SLC5A1: variants seen among roughly 807,000 people sequenced by gnomAD.
The protein encoded by SLC5A1 is solute carrier family 5 member 1.
Under a neutral mutation model 73.5 loss-of-function variants are expected in SLC5A1, and 42 were observed. The ratio of observed to expected loss-of-function variants is 0.57; its 90% CI spans 0.45 to 0.74. SLC5A1 has a LOEUF of 0.74. Ranked by LOEUF, SLC5A1 falls within the 30% of genes least tolerant of loss-of-function variation. SLC5A1 has a pLI of 0.00. For synonymous variants in SLC5A1, 300 were observed against 317.4 expected, an observed-to-expected ratio of 0.95 and a Z score of 0.58; for missense variants, 634 against 855.4, an observed-to-expected ratio of 0.74 and a Z score of 3.23.
chr22:32,080,399 C>A (rs951237121), intron 5 of SLC5A1, among the ~76,000 whole-genome samples: 31 of 152,136 alleles, frequency 2.0e-4, no homozygotes, highest in Admixed American at 5.2e-4. Context: ...TCTTTGCTAA[C>A]TGATGGAGGG....
At chr22:32,085,712 C>CT (rs1429713875) in intron 9 of SLC5A1, among the ~76,000 whole-genome samples, 1 of 152,054 alleles carries the variant, frequency 6.6e-6, no homozygotes, top group African/African-American at 2.4e-5. Flanking sequence ...TGTCTTTCTT[C>CT]CTTAGTCAGA....
chr22:32,074,127 C>G (rs886876904), intron 5 of SLC5A1, among the ~76,000 whole-genome samples: 3 of 152,126 alleles, frequency 2.0e-5, no homozygotes, highest in Non-Finnish European at 4.4e-5. Flanking sequence ...TTCTCCCAGG[C>G]AAGTGTCCTC....
At position 32,084,392 on chromosome 22, in the gene SLC5A1, C is replaced by A. The variant is rs202129828; in HGVS notation, c.665-47C>A. 14 of 1,523,322 alleles carry A rather than the reference C, an allele frequency of 9.2e-6. No individual in the cohort carries two copies. The East Asian group carries it at 2.9e-4, about 32-fold the overall frequency. The allele number at this position is 1,523,322 out of a possible 1,614,324, so 94.4% of individuals were successfully genotyped here. On this transcript the variant is annotated intron_variant, in intron 7 of 14. Coordinates refer to ENST00000266088, the MANE Select transcript of SLC5A1 (RefSeq NM_000343.4). ...CATCTATGGAAAGAAGCTGCTATGA[C>A]GAGTTGAAGGTTTCAGAATGTTCAT...
chr22:32,098,969 C>A (rs921108131), intron 11 of SLC5A1, among the ~76,000 whole-genome samples: 1 of 150,488 alleles, frequency 6.6e-6, no homozygotes, highest in African/African-American at 2.4e-5. Context: ...GCCTGTAGTC[C>A]CAGCTACTCA....
intron 13 of SLC5A1, 95 bp from the exon 14 acceptor site, chr22:32,104,691 T>G: frequency 1.2e-6 from 1 of 851,244 alleles, no homozygotes; most frequent in South Asian, 1.4e-5. Flanking sequence ...CCACATTCCC[T>G]TCCCTTCCTT....
intron 2 of SLC5A1, chr22:32,059,154 C>G (rs1487061045): frequency 1.0e-6 from 1 of 985,186 alleles, no homozygotes; most frequent in African/African-American, 1.7e-5. Flanking sequence ...CATGCCACAG[C>G]TGAGAGGCAG....
intron 2 of SLC5A1, among the ~76,000 whole-genome samples, chr22:32,055,214 T>C (rs1386080868): frequency 6.6e-6 from 1 of 151,986 alleles, no homozygotes; most frequent in East Asian, 1.9e-4. Flanking sequence ...AGGTAATGAG[T>C]GAAAGAGGAC....
intron 10 of SLC5A1, among the ~76,000 whole-genome samples, chr22:32,088,145 T>C (rs992165751): frequency 2.6e-5 from 4 of 152,256 alleles, no homozygotes; most frequent in Middle Eastern, 3.4e-3. Flanking sequence ...ATGGATTGCA[T>C]TGGCCTCTGT....
intron 5 of SLC5A1, among the ~76,000 whole-genome samples, chr22:32,072,784 T>C (rs1361235385): frequency 1.3e-5 from 2 of 152,258 alleles, no homozygotes; most frequent in Admixed American, 6.5e-5. Flanking sequence ...AAAGGAAATA[T>C]ACATGTGTAG....
intron 2 of SLC5A1, among the ~76,000 whole-genome samples, chr22:32,052,876 A>G (rs943745504): frequency 6.6e-6 from 1 of 152,150 alleles, no homozygotes; most frequent in African/African-American, 2.4e-5. Flanking sequence ...ACCTGAGTCT[A>G]TATTCTGGCC....
At chr22:32,106,655 T>C (rs1450899388) in intron 14 of SLC5A1, among the ~76,000 whole-genome samples, 1 of 152,188 alleles carries the variant, frequency 6.6e-6, no homozygotes, top group African/African-American at 2.4e-5. Context: ...ATCAAATTTC[T>C]CTCGAAGACC....
At chr22:32,061,190 G>A (rs1215067651) in intron 2 of SLC5A1, among the ~76,000 whole-genome samples, 2 of 152,184 alleles carry the variant, frequency 1.3e-5, no homozygotes, top group African/African-American at 4.8e-5. Flanking sequence ...TTGGGAGGCT[G>A]AGGCGGGCAG....
intron 10 of SLC5A1, among the ~76,000 whole-genome samples, chr22:32,088,235 A>G (rs1184115512): frequency 6.6e-6 from 1 of 152,134 alleles, no homozygotes. Flanking sequence ...ACTGTGCACA[A>G]CAGAAAGATG....
intron 14 of SLC5A1, 137 bp downstream of exon 14, chr22:32,105,028 G>T: frequency 1.4e-6 from 1 of 715,382 alleles, no homozygotes. Flanking sequence ...GTAGGGTGGG[G>T]ATGAGATGGA....
At chr22:32,052,659 C>T (rs2093946578) in intron 2 of SLC5A1, among the ~76,000 whole-genome samples, 1 of 152,190 alleles carries the variant, frequency 6.6e-6, no homozygotes, top group African/African-American at 2.4e-5. Flanking sequence ...TGCTTTTTAC[C>T]TGCATGTGCT....
chr22:32,043,280 C>A lies in SLC5A1; in HGVS notation c.-2C>A. 6.2e-7 allele frequency: 1 copy of A among 1,613,966 alleles called. No individual in the cohort carries two copies. The highest frequency in any genetic ancestry group is 1.3e-5 in the African/African-American group (1 of 75,068). ...GAGAGGGAAGGACGCAACGCTGCCA[C>A]CATGGACAGTAGCACCTGGAGCCCC... On this transcript the variant is annotated 5_prime_UTR_variant, in exon 1 of 15. Coordinates refer to ENST00000266088, the MANE Select transcript of SLC5A1 (RefSeq NM_000343.4). This position sits in a 1 kb window ranked among gnomAD's most constrained non-coding sequence, Gnocchi z 6.5.
chr22:32,084,896 G>A lies in SLC5A1; in HGVS notation c.886-4G>A, dbSNP rs1227915258. On this transcript the variant is annotated splice_region_variant and splice_polypyrimidine_tract_variant and intron_variant, in intron 8 of 14. Transcript: ENST00000266088. ...CACCTCCCTTACTGGGCTTTTTCTG[G>A]CAGGTCATTGTGCAGCGCTGCCTCT... 1 of 1,614,072 alleles carries A rather than the reference G, an allele frequency of 6.2e-7. No individual in the cohort carries two copies. Among genetic ancestry groups the A allele is most frequent in the Non-Finnish European group, 8.5e-7 (1 of 1,180,034 alleles).
chr22:32,083,244 G>T, intron 7 of SLC5A1, 90 bp downstream of exon 7: 1 of 1,054,634 alleles, frequency 9.5e-7, no homozygotes, highest in Non-Finnish European at 1.5e-6. Flanking sequence ...CTACCTGCTT[G>T]CCAGACTAGG....
chr22:32,099,844 T>C (rs1267758440), intron 12 of SLC5A1, among the ~76,000 whole-genome samples: 1 of 152,222 alleles, frequency 6.6e-6, no homozygotes, highest in Admixed American at 6.5e-5. Context: ...AACTCGGCTT[T>C]CCAGCCAGCA....
Sources: allele counts gnomAD v4.1 joint callset (sites outside exome capture counted in the v4.1 genomes callset), GRCh38; gene constraint gnomAD v4.1.1; non-coding constraint Gnocchi (gnomAD v3.1); transcripts MANE v1.5; gene names NCBI Gene and HGNC (gene_info 2026-07-23, HGNC 2026-07-21).